Variants in MYO1B observed in about 807,000 individuals in gnomAD.
The protein encoded by MYO1B is unconventional myosin-Ib.
In MYO1B, 72 loss-of-function variants were observed where a neutral mutation model predicts 159.7. The ratio of observed to expected loss-of-function variants is 0.45; its 90% CI spans 0.37 to 0.55. MYO1B has a LOEUF of 0.55. MYO1B is among the 20% of genes least tolerant of loss of function. The probability of loss-of-function intolerance (pLI) is 0.00; values close to 1 mark genes in which losing one functional copy is unlikely to be tolerated. For synonymous variants in MYO1B, 468 were observed against 473.8 expected, an observed-to-expected ratio of 0.99 and a Z score of 0.16; for missense variants, 1,062 against 1,364.8, an observed-to-expected ratio of 0.78 and a Z score of 3.50.
chr2:191,323,244 T>C (rs1690845883), intron 3 of MYO1B, among the ~76,000 whole-genome samples: 1 of 152,130 alleles, frequency 6.6e-6, no homozygotes, highest in Non-Finnish European at 1.5e-5. Context: ...AACCACATAC[T>C]ATTTTATCAG....
At chr2:191,325,073 G>A (rs1240630994) in intron 3 of MYO1B, among the ~76,000 whole-genome samples, 1 of 152,100 alleles carries the variant, frequency 6.6e-6, no homozygotes, top group Non-Finnish European at 1.5e-5. Flanking sequence ...ATGTCCTTGT[G>A]GACCACCTCA....
At chr2:191,320,875 G>A (rs1314546640) in intron 3 of MYO1B, among the ~76,000 whole-genome samples, 2 of 151,970 alleles carry the variant, frequency 1.3e-5, no homozygotes, top group East Asian at 3.9e-4. Flanking sequence ...TATGTACTTG[G>A]GGTTCCAGTT....
At chr2:191,397,241 G>A (rs578155314) in intron 21 of MYO1B, among the ~76,000 whole-genome samples, 48 of 144,514 alleles carry the variant, frequency 3.3e-4, no homozygotes, top group Middle Eastern at 3.5e-3. Flanking sequence ...TTCTCGCAGA[G>A]GGGGATTTGG....
At chr2:191,282,769 G>C (rs189633740) in intron 2 of MYO1B, among the ~76,000 whole-genome samples, 3 of 152,158 alleles carry the variant, frequency 2.0e-5, no homozygotes, top group Non-Finnish European at 4.4e-5. Context: ...CATGGAACAA[G>C]AGCAATCTTT....
chr2:191,267,543 A>G (rs1687214010), intron 1 of MYO1B, among the ~76,000 whole-genome samples: 1 of 152,228 alleles, frequency 6.6e-6, no homozygotes, highest in South Asian at 2.1e-4. Context: ...TGCCATGAAT[A>G]GACACACCTT....
intron 7 of MYO1B, 122 bp downstream of exon 7, chr2:191,350,347 A>G: frequency 1.6e-6 from 1 of 643,416 alleles, no homozygotes; most frequent in South Asian, 2.3e-5. Flanking sequence ...CTTTATATTT[A>G]GACTTTAAGC....
At chr2:191,269,750 T>A (rs548289715) in intron 1 of MYO1B, among the ~76,000 whole-genome samples, 1 of 152,162 alleles carries the variant, frequency 6.6e-6, no homozygotes, top group South Asian at 2.1e-4. Flanking sequence ...TAGAAAGCTC[T>A]TGAGGGGAAG....
At chr2:191,267,048 T>C (rs1178080884) in intron 1 of MYO1B, among the ~76,000 whole-genome samples, 1 of 152,156 alleles carries the variant, frequency 6.6e-6, no homozygotes, top group East Asian at 1.9e-4. Flanking sequence ...AGCTTTTCTA[T>C]ACTCAGACAG....
At chr2:191,368,877 G>A (rs1425227186) in intron 11 of MYO1B, among the ~76,000 whole-genome samples, 2 of 152,118 alleles carry the variant, frequency 1.3e-5, no homozygotes, top group Non-Finnish European at 2.9e-5. Flanking sequence ...GGGAGGCTGA[G>A]GCACGAAAAT....
chr2:191,374,575 A>G (rs1694579917), intron 13 of MYO1B, among the ~76,000 whole-genome samples: 1 of 152,190 alleles, frequency 6.6e-6, no homozygotes, highest in African/African-American at 2.4e-5. Flanking sequence ...GCATTAAACC[A>G]TGGGTTGATG....
At chr2:191,283,994 C>T (rs1044007375) in intron 2 of MYO1B, among the ~76,000 whole-genome samples, 6 of 152,210 alleles carry the variant, frequency 3.9e-5, no homozygotes, top group African/African-American at 1.4e-4. Context: ...CATAGGTGAT[C>T]ATTACATGGT....
chr2:191,330,928 C>G (rs920106042), intron 4 of MYO1B, among the ~76,000 whole-genome samples: 2 of 152,150 alleles, frequency 1.3e-5, no homozygotes, highest in African/African-American at 4.8e-5. Flanking sequence ...TCCCATTGAT[C>G]AAGAGAAGAA....
At chr2:191,389,788 A>C (rs1166218702) in intron 17 of MYO1B, among the ~76,000 whole-genome samples, 1 of 152,190 alleles carries the variant, frequency 6.6e-6, no homozygotes, top group African/African-American at 2.4e-5. Flanking sequence ...ATGGATCTTA[A>C]CTGTACAGCT....
chr2:191,268,615 C>G (rs1028431557), intron 1 of MYO1B, among the ~76,000 whole-genome samples: 1 of 152,238 alleles, frequency 6.6e-6, no homozygotes, highest in Non-Finnish European at 1.5e-5. Flanking sequence ...GCTAGAACCA[C>G]TCTGGGCAGC....
intron 1 of MYO1B, chr2:191,248,100 A>T (rs1393523799): frequency 1.2e-6 from 1 of 832,214 alleles, no homozygotes; most frequent in Non-Finnish European, 1.4e-6. Context: ...ATTGTCTTCT[A>T]CCTCCCTTCT....
intron 3 of MYO1B, among the ~76,000 whole-genome samples, chr2:191,323,848 C>T (rs1376951005): frequency 2.6e-5 from 4 of 152,046 alleles, no homozygotes; most frequent in East Asian, 3.9e-4. Context: ...AGCAACATGG[C>T]CACTTATGTT....
chr2:191,394,429 AG>A (rs1463685541), intron 20 of MYO1B, among the ~76,000 whole-genome samples: 7 of 152,372 alleles, frequency 4.6e-5, no homozygotes, highest in African/African-American at 1.7e-4. Flanking sequence ...GAGGTCATTA[AG>A]AAAAGTTTAC....
At chr2:191,298,544 C>A (rs556297576) in intron 3 of MYO1B, among the ~76,000 whole-genome samples, 2 of 152,108 alleles carry the variant, frequency 1.3e-5, no homozygotes, top group African/African-American at 2.4e-5. Context: ...TTTTCACAAG[C>A]TTTCTGGGTG....
intron 3 of MYO1B, among the ~76,000 whole-genome samples, chr2:191,300,284 T>TTAGTTAA (rs1689229788): frequency 1.9e-5 from 2 of 105,868 alleles, no homozygotes; most frequent in East Asian, 6.8e-4. Flanking sequence ...GACTACATAC[T>TTAGTTAA]TTGAAAACTT....
Sources: allele counts gnomAD v4.1 joint callset (sites outside exome capture counted in the v4.1 genomes callset), GRCh38; gene constraint gnomAD v4.1.1; transcripts MANE v1.5; gene names NCBI Gene and HGNC (gene_info 2026-07-23, HGNC 2026-07-21).